WNT5A: variants seen among roughly 807,000 people sequenced by gnomAD.
The protein encoded by WNT5A is Wnt family member 5A, also known as protein Wnt-5a.
Under a neutral mutation model 42.1 loss-of-function variants are expected in WNT5A, and 9 were observed. That is an observed-to-expected ratio of 0.21 (90% confidence interval 0.13 to 0.37). The LOEUF is 0.37. Among genes scored for constraint, WNT5A ranks in the 10% least tolerant of loss-of-function variants. The pLI, the probability that WNT5A is intolerant of heterozygous loss-of-function variation, is 1.00. For synonymous variants in WNT5A, 210 were observed against 210.0 expected (o/e 1.00, Z 0.00); for missense variants, 426 against 534.0 (o/e 0.80, Z 1.99).
the WNT5A span, among the ~76,000 whole-genome samples, chr3:55,499,502 C>T: frequency 1.3e-5 from 2 of 152,208 alleles, no homozygotes; most frequent in Non-Finnish European, 2.9e-5. Context: ...GTGGAAAAGT[C>T]ACCAACTGTC....
chr3:55,498,860 T>G, the WNT5A span, among the ~76,000 whole-genome samples: 1 of 152,024 alleles, frequency 6.6e-6, no homozygotes, highest in East Asian at 1.9e-4. Context: ...AGTTTCTGGG[T>G]AAGGGTTGGG....
chr3:55,473,702 C>T (rs1423223010), intron 4 of WNT5A, among the ~76,000 whole-genome samples: 1 of 152,142 alleles, frequency 6.6e-6, no homozygotes, highest in African/African-American at 2.4e-5. Context: ...AAAAAACCCT[C>T]CATCCATCAG....
chr3:55,468,003 G>T lies in WNT5A; in HGVS notation c.*2089C>A, dbSNP rs1245642142. On this transcript the variant is annotated 3_prime_UTR_variant, in exon 5 of 5. Coordinates refer to ENST00000264634, the MANE Select transcript of WNT5A (RefSeq NM_003392.7). ...ATTATGCAATAAATTAAGAGCCACAGTTGGCTGAGGTGATATGAAAGCCAA... is the reference window on the plus strand; with the variant it reads ...ATTATGCAATAAATTAAGAGCCACATTTGGCTGAGGTGATATGAAAGCCAA... The T allele has an allele frequency of 2.0e-5, 3 of 152,154 alleles. No individual in the cohort carries two copies. Among genetic ancestry groups the T allele is most frequent in the African/African-American group, 7.2e-5 (3 of 41,436 alleles). The allele number at this position is 152,154 out of a possible 1,614,324, so 9.4% of individuals were successfully genotyped here. A position where few individuals can be genotyped will look rare whatever the true frequency, so the allele number is the denominator to read the frequency against.
intron 4 of WNT5A, 73 bp downstream of exon 4, chr3:55,474,264 G>C (rs1011606466): frequency 1.3e-6 from 2 of 1,590,706 alleles, no homozygotes; most frequent in East Asian, 2.3e-5. Context: ...GAGCTACAGG[G>C]AGAGACCCGA....
chr3:55,498,865 G>A, the WNT5A span, among the ~76,000 whole-genome samples: 8 of 152,166 alleles, frequency 5.3e-5, no homozygotes, highest in Admixed American at 2.0e-4. Context: ...CTGGGTAAGG[G>A]TTGGGGGGCA....
rs1436432088 is a variant in WNT5A, at chr3:55,483,836, TGATGAGG to T, written c.7-2925_7-2919del. ...TACCAACCACGGTGCGGGCCAGGCG[TGATGAGG>T]GATGAGGGAGAGGAAACCTCAGTAG... On this transcript the variant is annotated intron_variant, in intron 1 of 4. Coordinates refer to ENST00000264634, the MANE Select transcript of WNT5A (RefSeq NM_003392.7). This position sits in a 1 kb window ranked among gnomAD's most constrained non-coding sequence, Gnocchi z 4.2. Among the ~76,000 whole-genome samples the T allele has an allele frequency of 2.0e-5, 3 of 151,758 alleles. No homozygotes were observed. The highest frequency in any genetic ancestry group is 4.8e-5 in the African/African-American group (2 of 41,298).
chr3:55,472,068 A>T (rs972133984), intron 4 of WNT5A, among the ~76,000 whole-genome samples: 1 of 152,170 alleles, frequency 6.6e-6, no homozygotes, highest in African/African-American at 2.4e-5. Flanking sequence ...ATTTTCTGGC[A>T]CAGTGCCCAA....
At chr3:55,481,776 G>A (rs1405138789) in intron 1 of WNT5A, among the ~76,000 whole-genome samples, 2 of 152,218 alleles carry the variant, frequency 1.3e-5, no homozygotes, top group African/African-American at 4.8e-5. Flanking sequence ...CCTCTTCCAC[G>A]GACTGAGAGA....
chr3:55,480,908 C>A lies in WNT5A; in HGVS notation c.17G>T (p.Gly6Val). 1 of 1,554,372 alleles carries A rather than the reference C, an allele frequency of 6.4e-7. No individual in the cohort carries two copies. Among genetic ancestry groups the A allele is most frequent in the African/African-American group, 1.4e-5 (1 of 72,856 alleles). Reference protein sequence around the residue: MKKSIGILSPGVALGM... With the variant: MKKSIVILSPGVALGM... ...CAAAGCAACTCCTGGGCTTAATATT[C>A]CAATGGACTTCTGGAGAGGGAAGAA... The change falls in exon 2 of 5, where the codon GGA (glycine) becomes GTA (valine). Residue 6 changes from glycine to valine, a missense_variant. Transcript: ENST00000264634.
intron 1 of WNT5A, among the ~76,000 whole-genome samples, chr3:55,485,009 A>G (rs917117268): frequency 6.6e-6 from 1 of 152,162 alleles, no homozygotes; most frequent in African/African-American, 2.4e-5. Flanking sequence ...GCCCAGAAGA[A>G]GAGGTACCAA....
chr3:55,483,706 TC>T lies in WNT5A; in HGVS notation c.7-2789del. 6.6e-6 allele frequency among the ~76,000 whole-genome samples: 1 copy of T among 152,236 alleles called. No homozygotes were observed. Among genetic ancestry groups the T allele is most frequent in the East Asian group, 1.9e-4 (1 of 5,154 alleles). On this transcript the variant is annotated intron_variant, in intron 1 of 4. Transcript: ENST00000264634. This position sits in a 1 kb window ranked among gnomAD's most constrained non-coding sequence, Gnocchi z 4.2. ...AGAGGAGTGAGGTGGAGGAGGGCGT[TC>T]CCGCGTCCTCCTCTTCAATCCAGAG...
At position 55,467,633 on chromosome 3, in the gene WNT5A, C is replaced by T. The variant is rs372106201; in HGVS notation, c.*2459G>A. 2.0e-5 allele frequency: 3 copies of T among 152,536 alleles called. No homozygotes were observed. The highest frequency in any genetic ancestry group is 6.5e-5 in the Admixed American group (1 of 15,274). The allele number at this position is 152,536 out of a possible 1,614,324, so 9.4% of individuals were successfully genotyped here. On this transcript the variant is annotated 3_prime_UTR_variant, in exon 5 of 5. Transcript: ENST00000264634. ...ATTCTATCTTCCATTTGGCATAAGC[C>T]TTTCGATGTTTGTTTTTTAAACCAG...
intron 1 of WNT5A, chr3:55,481,273 C>A (rs369767379): frequency 2.0e-6 from 2 of 999,210 alleles, no homozygotes; most frequent in Non-Finnish European, 2.4e-6. Context: ...TGTGCTCAGT[C>A]CCTCCTGGGT....
chr3:55,495,961 C>T, the WNT5A span, among the ~76,000 whole-genome samples: 1 of 152,180 alleles, frequency 6.6e-6, no homozygotes, highest in Non-Finnish European at 1.5e-5. Context: ...GTACACAAAA[C>T]ATCCAGGAAG....
intron 3 of WNT5A, among the ~76,000 whole-genome samples, chr3:55,478,001 A>G (rs969058130): frequency 2.6e-5 from 4 of 152,258 alleles, no homozygotes; most frequent in African/African-American, 9.6e-5. Context: ...CAATATCAAC[A>G]CACGGGAGAA....
upstream of WNT5A, among the ~76,000 whole-genome samples, chr3:55,493,517 G>A (rs1219660446): frequency 6.6e-6 from 1 of 151,984 alleles, no homozygotes; most frequent in Non-Finnish European, 1.5e-5. Context: ...AAGTATATTT[G>A]TTTACTTGTC....
Position 55,466,216 on chromosome 3 carries a change from T to C in WNT5A, c.*3876A>G, listed in dbSNP as rs533212654. 1.3e-5 allele frequency: 2 copies of C among 152,156 alleles called. No individual in the cohort carries two copies. The highest frequency in any genetic ancestry group is 2.9e-5 in the Non-Finnish European group (2 of 68,032). The allele number at this position is 152,156 out of a possible 1,614,324, so 9.4% of individuals were successfully genotyped here. Reference sequence around the variant, plus strand: ...AATATTTTAAAAGTATAGCTTACAGTGACAATGTAGTATTTTAGACCTGTG... The same window carrying C: ...AATATTTTAAAAGTATAGCTTACAGCGACAATGTAGTATTTTAGACCTGTG... On this transcript the variant is annotated 3_prime_UTR_variant, in exon 5 of 5. Transcript: ENST00000264634.
At position 55,470,406 on chromosome 3, in the gene WNT5A, G is replaced by T; in HGVS notation, c.829C>A (p.Arg277=). The change falls in exon 5 of 5, where the codon CGG becomes AGG. Residue 277 remains arginine (R), a synonymous_variant. Coordinates refer to ENST00000264634, the MANE Select transcript of WNT5A (RefSeq NM_003392.7). ...KEKYDSAAAM[R]LNSRGKLVQV... is the part of the protein sequence containing the mutation. ...ACCAACTTGCCCCGGCTGTTGAGCC[G>T]CATGGCCGCCGCGCTGTCGTACTTC... The T allele has an allele frequency of 6.2e-7, 1 of 1,613,102 alleles. No individual in the cohort carries two copies. Among genetic ancestry groups the T allele is most frequent in the Admixed American group, 1.7e-5 (1 of 59,884 alleles).
At position 55,468,626 on chromosome 3, in the gene WNT5A, ATTTATATT is replaced by A. The variant is rs1161972219; in HGVS notation, c.*1458_*1465del. Reference sequence around the variant, plus strand: ...TAAATCACTGGCTGCAATGAGATATATTTATATTTATATTTATATATATGTATATATAT... The same window carrying A: ...TAAATCACTGGCTGCAATGAGATATATATATTTATATATATGTATATATAT... On this transcript the variant is annotated 3_prime_UTR_variant, in exon 5 of 5. Transcript: ENST00000264634. 2 of 149,410 alleles carry A rather than the reference ATTTATATT, an allele frequency of 1.3e-5. No individual in the cohort carries two copies. The highest frequency in any genetic ancestry group is 3.0e-5 in the Non-Finnish European group (2 of 67,494). The allele number at this position is 149,410 out of a possible 1,614,324, so 9.3% of individuals were successfully genotyped here.
Sources: allele counts gnomAD v4.1 joint callset (sites outside exome capture counted in the v4.1 genomes callset), GRCh38; gene constraint gnomAD v4.1.1; non-coding constraint Gnocchi (gnomAD v3.1); transcripts MANE v1.5; gene names NCBI Gene and HGNC (gene_info 2026-07-23, HGNC 2026-07-21).